The following ARL2 variants were observed in gnomAD, a reference collection of about 807,000 sequenced individuals.
ARL2 encodes ARF like GTPase 2.
Under a neutral mutation model 22.0 loss-of-function variants are expected in ARL2, and 11 were observed. That is an observed-to-expected ratio of 0.50 (90% confidence interval 0.31 to 0.83). The LOEUF is 0.83. ARL2 is among the 40% of genes least tolerant of loss of function. The probability of loss-of-function intolerance (pLI) is 0.04; values close to 1 mark genes in which losing one functional copy is unlikely to be tolerated. For missense variants in ARL2, 216 were observed against 243.2 expected, an observed-to-expected ratio of 0.89 and a Z score of 0.74; for synonymous variants, 111 against 100.8, an observed-to-expected ratio of 1.10 and a Z score of -0.61.
Position 65,020,667 on chromosome 11 carries a change from G to A in ARL2, c.420+168G>A, listed in dbSNP as rs763017955. ...GTGGATCACCTGAGGTCAGGAGTTC[G>A]AGACCAGCCTGACCAACATGATGAA... On this transcript the variant is annotated intron_variant, in intron 4 of 4. Transcript: ENST00000246747. 1.4e-5 allele frequency: 9 copies of A among 625,638 alleles called. No individual in the cohort carries two copies. The South Asian group carries it at 1.8e-4, about 12-fold the overall frequency. 38.8% of individuals were successfully genotyped at this position (625,638 alleles called of 1,614,324 possible).
rs1056004482 is a variant in ARL2, at chr11:65,018,439, G to T, written c.141G>T (p.Thr47=). ...NGEDIDTISP[T]LGFNIKTLEH... ...AGGACATCGACACCATCTCCCCAACGCTGGGCTTCAACATCAAGACCCTGG... is the reference window on the plus strand; with the variant it reads ...AGGACATCGACACCATCTCCCCAACTCTGGGCTTCAACATCAAGACCCTGG... Residue 47 remains threonine, a synonymous_variant, in exon 2 of 5, where the codon ACG becomes ACT. Coordinates refer to ENST00000246747, the MANE Select transcript of ARL2 (RefSeq NM_001667.4). This position sits in a 1 kb window ranked among gnomAD's most constrained non-coding sequence, Gnocchi z 4.2. The T allele has an allele frequency of 4.4e-6, 7 of 1,609,072 alleles. No individual in the cohort carries two copies. Among genetic ancestry groups the T allele is most frequent in the Admixed American group, 1.7e-5 (1 of 59,138 alleles).
intron 1 of ARL2, among the ~76,000 whole-genome samples, chr11:65,015,985 C>T (rs1028665280): frequency 5.9e-5 from 9 of 151,994 alleles, no homozygotes; most frequent in Non-Finnish European, 1.3e-4. Flanking sequence ...GCGGATGGAT[C>T]GCCTGATGTC....
chr11:65,021,407 G>T, intron 4 of ARL2: 1 of 300,190 alleles, frequency 3.3e-6, no homozygotes, highest in East Asian at 5.5e-5. Flanking sequence ...TGGCTCATGA[G>T]GGCTTGAGGA....
chr11:65,014,170 T>G lies in ARL2; in HGVS notation c.-38T>G. 6.6e-7 allele frequency: 1 copy of G among 1,509,152 alleles called. No individual in the cohort carries two copies. The highest frequency in any genetic ancestry group is 8.9e-7 in the Non-Finnish European group (1 of 1,120,588). 93.5% of individuals were successfully genotyped at this position (1,509,152 alleles called of 1,614,324 possible). On this transcript the variant is annotated 5_prime_UTR_variant, in exon 1 of 5. Transcript: ENST00000246747. ...GGAACCGGGAGCGGGGTCCCGGGAC[T>G]GGGAAGAAACGGCGGCCGGGAGGGG...
In ARL2 at chr11:65,020,487, C is replaced by G; in HGVS notation, c.408C>G (p.Asn136Lys). The G allele has an allele frequency of 6.2e-7, 1 of 1,610,576 alleles. No individual in the cohort carries two copies. Among genetic ancestry groups the G allele is most frequent in the South Asian group, 1.1e-5 (1 of 90,348 alleles). Residue 136 changes from asparagine (N) to lysine (K), a missense_variant, in exon 4 of 5, where the codon AAC (asparagine) becomes AAG (lysine). Physicochemically the swap from Asn to Lys is moderately conservative, Grantham distance 94. Transcript: ENST00000246747. ...ACCTGCCTGGAGCACTGTCCTCTAA[C>G]GCCATCCGCGAGGTGAGTCCAGGCC... is the stretch of plus-strand genomic sequence containing the variant. ...KQDLPGALSS[N>K]AIREVLELDS...
Position 65,018,213 on chromosome 11 carries a change from C to T in ARL2, c.66-151C>T. 1.6e-6 allele frequency: 1 copy of T among 636,852 alleles called. No homozygotes were observed. The highest frequency in any genetic ancestry group is 2.7e-6 in the Non-Finnish European group (1 of 369,844). The allele number at this position is 636,852 out of a possible 1,614,324, so 39.5% of individuals were successfully genotyped here. The stretch of plus-strand genomic sequence containing the variant: ...TAGAGATGATATTTATAATTTGATA[C>T]TTTCATATTTATTGTGGGCCGATTA... On this transcript the variant is annotated intron_variant, in intron 1 of 4. Coordinates refer to ENST00000246747, the MANE Select transcript of ARL2 (RefSeq NM_001667.4). This position sits in a 1 kb window ranked among gnomAD's most constrained non-coding sequence, Gnocchi z 4.2.
chr11:65,021,503 A>C, intron 4 of ARL2: 1 of 496,838 alleles, frequency 2.0e-6, no homozygotes, highest in Non-Finnish European at 3.6e-6. Flanking sequence ...CATTTACATC[A>C]CTAAGGGGCA....
chr11:65,021,943 A>G lies in ARL2; in HGVS notation c.*88A>G, dbSNP rs920059567. The G allele has an allele frequency of 7.2e-6, 11 of 1,518,344 alleles. No homozygotes were observed. Among genetic ancestry groups the G allele is most frequent in the African/African-American group, 5.5e-5 (4 of 73,296 alleles). 94.1% of individuals were successfully genotyped at this position (1,518,344 alleles called of 1,614,324 possible). On this transcript the variant is annotated 3_prime_UTR_variant, in exon 5 of 5. Transcript: ENST00000246747. ...TGGGGGGTTGGGAGTCAGCCGGCCA[A>G]ACTAACACTCCCCCTCCTCCACCCC...
intron 1 of ARL2, among the ~76,000 whole-genome samples, chr11:65,016,107 T>C (rs931456079): frequency 6.6e-6 from 1 of 151,498 alleles, no homozygotes; most frequent in Non-Finnish European, 1.5e-5. Flanking sequence ...CCTGGGAGGC[T>C]GAGGCAAGAG....
chr11:65,020,564 C>T, intron 4 of ARL2, 65 bp downstream of exon 4: 3 of 1,456,522 alleles, frequency 2.1e-6, no homozygotes, highest in Non-Finnish European at 2.8e-6. Context: ...ATTTTAAAAG[C>T]ATTTATTAAA....
chr11:65,018,412 G>A lies in ARL2; in HGVS notation c.114G>A (p.Gly38=), dbSNP rs1300085571. 3.7e-6 allele frequency: 6 copies of A among 1,609,810 alleles called. No individual in the cohort carries two copies. The highest frequency in any genetic ancestry group is 5.1e-6 in the Non-Finnish European group (6 of 1,178,452). The change falls in exon 2 of 5, where the codon GGG becomes GGA. Residue 38 remains glycine (G), a synonymous_variant. Transcript: ENST00000246747. The surrounding 1 kb of genome is among the most constrained non-coding windows in gnomAD (Gnocchi z 4.2). ...GKTTILKKFN[G]EDIDTISPTL... ...CAACCATCCTGAAGAAGTTCAATGG[G>A]GAGGACATCGACACCATCTCCCCAA...
chr11:65,018,295 A>G lies in ARL2; in HGVS notation c.66-69A>G. 7.5e-7 allele frequency: 1 copy of G among 1,327,792 alleles called. No individual in the cohort carries two copies. The highest frequency in any genetic ancestry group is 1.1e-6 in the Non-Finnish European group (1 of 950,028). 82.3% of individuals were successfully genotyped at this position (1,327,792 alleles called of 1,614,324 possible). A position where few individuals can be genotyped will look rare whatever the true frequency, so the allele number is the denominator to read the frequency against. On this transcript the variant is annotated intron_variant, in intron 1 of 4. Coordinates refer to ENST00000246747, the MANE Select transcript of ARL2 (RefSeq NM_001667.4). This position sits in a 1 kb window ranked among gnomAD's most constrained non-coding sequence, Gnocchi z 4.2. Reference sequence around the variant, plus strand: ...CATGGTGGGAAATAATGAGTCCCCTAAGGGGCTCTGCAACAATGTCACCAC... The same window carrying G: ...CATGGTGGGAAATAATGAGTCCCCTGAGGGGCTCTGCAACAATGTCACCAC...
At position 65,014,162 on chromosome 11, in the gene ARL2, C is replaced by T. The variant is rs2136897681; in HGVS notation, c.-46C>T. 1 of 1,466,316 alleles carries T rather than the reference C, an allele frequency of 6.8e-7. No individual in the cohort carries two copies. The highest frequency in any genetic ancestry group is 9.2e-7 in the Non-Finnish European group (1 of 1,086,728). The allele number at this position is 1,466,316 out of a possible 1,614,324, so 90.8% of individuals were successfully genotyped here. On this transcript the variant is annotated 5_prime_UTR_variant, in exon 1 of 5. Transcript: ENST00000246747. ...AGCCAACAGGAACCGGGAGCGGGGT[C>T]CCGGGACTGGGAAGAAACGGCGGCC... is the stretch of plus-strand genomic sequence containing the variant.
At chr11:65,017,090 A>G (rs1458322571) in intron 1 of ARL2, among the ~76,000 whole-genome samples, 1 of 152,178 alleles carries the variant, frequency 6.6e-6, no homozygotes, top group African/African-American at 2.4e-5. Flanking sequence ...AAGAGCAAGA[A>G]GGCAGAAATG....
chr11:65,020,463 C>A lies in ARL2; in HGVS notation c.384C>A (p.Asp128Glu), dbSNP rs150084832. 54 of 1,613,014 alleles carry A rather than the reference C, an allele frequency of 3.3e-5. No individual in the cohort carries two copies. The African/African-American group carries it at 5.5e-4, about 16-fold the overall frequency. Reference protein sequence around the residue: ...ATLLIFANKQDLPGALSSNAI... With the variant: ...ATLLIFANKQELPGALSSNAI... ...TCCTCATCTTTGCTAATAAGCAGGACCTGCCTGGAGCACTGTCCTCTAACG... is the reference window on the plus strand; with the variant it reads ...TCCTCATCTTTGCTAATAAGCAGGAACTGCCTGGAGCACTGTCCTCTAACG... Residue 128 changes from aspartate to glutamate, a missense_variant, in exon 4 of 5, where the codon GAC (aspartate) becomes GAA (glutamate). By Grantham distance (45) the Asp-to-Glu change is conservative. Coordinates refer to ENST00000246747, the MANE Select transcript of ARL2 (RefSeq NM_001667.4).
chr11:65,021,022 G>A (rs1363482107), intron 4 of ARL2, among the ~76,000 whole-genome samples: 2 of 152,236 alleles, frequency 1.3e-5, no homozygotes, highest in East Asian at 1.9e-4. Context: ...GCAGAGCTGC[G>A]CATGTGTTGT....
In ARL2 at chr11:65,021,868, G is replaced by GC. The variant is rs774717693; in HGVS notation, c.*19dup. 2.5e-6 allele frequency: 4 copies of GC among 1,609,304 alleles called. No individual in the cohort carries two copies. Among genetic ancestry groups the GC allele is most frequent in the South Asian group, 1.1e-5 (1 of 90,906 alleles). ...CACAGCTGACTGAACCACTCCAGAT[G>GC]CCCCCCACCTAGCAGTCCAGGTCCC... On this transcript the variant is annotated 3_prime_UTR_variant, in exon 5 of 5. Transcript: ENST00000246747.
chr11:65,021,572 C>T, intron 4 of ARL2, 149 bp from the exon 5 acceptor site: 2 of 1,033,678 alleles, frequency 1.9e-6, no homozygotes, highest in East Asian at 2.6e-5. Flanking sequence ...CAAACTCTCC[C>T]TGGGACCGGC....
chr11:65,014,922 T>C, intron 1 of ARL2, among the ~76,000 whole-genome samples: 1 of 152,202 alleles, frequency 6.6e-6, no homozygotes, highest in African/African-American at 2.4e-5. Flanking sequence ...CGTGCACATA[T>C]AACTTAATAA....
Sources: gnomAD v4.1 joint callset for allele counts (sites outside exome capture counted in the v4.1 genomes callset) on GRCh38, gnomAD v4.1.1 for gene constraint, Gnocchi (gnomAD v3.1) non-coding constraint, MANE v1.5 for transcripts, NCBI Gene and HGNC (gene_info 2026-07-23, HGNC 2026-07-21) for gene names.